SEL1L2: variants seen among roughly 807,000 people sequenced by gnomAD.
SEL1L2 encodes protein sel-1 homolog 2.
SEL1L2 carries 89 observed loss-of-function variants against 98.8 expected under a neutral mutation model. The observed-to-expected ratio is 0.90, with a 90% CI of 0.76 to 1.07. The LOEUF (loss-of-function observed/expected upper bound fraction) is 1.07, where lower values mean the gene tolerates loss of function less well. SEL1L2 is among the 50% of genes least tolerant of loss of function. The pLI is 0.00. For synonymous variants in SEL1L2, 262 were observed against 278.5 expected (o/e 0.94, Z 0.59); for missense variants, 788 against 812.0 (o/e 0.97, Z 0.36).
chr20:13,860,053 T>G (rs1377947012), intron 17 of SEL1L2, among the ~76,000 whole-genome samples: 1 of 152,226 alleles, frequency 6.6e-6, no homozygotes, highest in Non-Finnish European at 1.5e-5. Flanking sequence ...TTAATTTTTT[T>G]AAGTAGATTA....
chr20:13,991,702 C>A (rs1320334562), upstream of SEL1L2, among the ~76,000 whole-genome samples: 1 of 152,128 alleles, frequency 6.6e-6, no homozygotes, highest in African/African-American at 2.4e-5. Flanking sequence ...TCTCAAGATC[C>A]TTAATGTTGG....
intron 18 of SEL1L2, among the ~76,000 whole-genome samples, chr20:13,855,718 T>C (rs1450302244): frequency 6.6e-6 from 1 of 152,202 alleles, no homozygotes; most frequent in African/African-American, 2.4e-5. Flanking sequence ...CTTCAGCCAA[T>C]GGATGGGAAA....
rs747606860 is a variant in SEL1L2, at chr20:13,949,712, AG to A, written c.114+6363del. On this transcript the variant is annotated intron_variant, in intron 2 of 19. Coordinates refer to ENST00000284951, the MANE Select transcript of SEL1L2 (RefSeq NM_025229.2). ...ACAAAAAAAACCAAACAAACAAAAA[AG>A]AACAAGTGCTGGAGACATTAGAACA... Among the ~76,000 whole-genome samples, 291 of 151,742 alleles carry A rather than the reference AG, an allele frequency of 1.9e-3. 1 individual carries two copies. Among genetic ancestry groups the A allele is most frequent in the African/African-American group, 6.2e-3 (257 of 41,340 alleles).
At chr20:13,964,447 A>AT (rs369646828) in intron 1 of SEL1L2, among the ~76,000 whole-genome samples, 29,303 of 110,654 alleles carry the variant, frequency 0.26, 4,423 homozygotes, top group Admixed American at 0.36. Flanking sequence ...CTATCTCTTC[A>AT]TTTTTTTTTT....
intron 14 of SEL1L2, among the ~76,000 whole-genome samples, chr20:13,868,522 A>G (rs1384930583): frequency 6.6e-6 from 1 of 151,808 alleles, no homozygotes; most frequent in East Asian, 1.9e-4. Context: ...TGCCGTTGGC[A>G]TGCGGCTTCC....
At chr20:13,995,048 C>A (rs1009550470), upstream of SEL1L2, 8 of 152,430 alleles carry the variant, frequency 5.2e-5, no homozygotes, top group African/African-American at 1.9e-4. The surrounding 1 kb of genome is among the most constrained non-coding windows in gnomAD (Gnocchi z 4.3). Flanking sequence ...CTCAACAGGG[C>A]AGTTGGAGTG....
At position 13,849,502 on chromosome 20, in the gene SEL1L2, T is replaced by C; in HGVS notation, c.2050A>G (p.Arg684Gly). 6.2e-7 allele frequency: 1 copy of C among 1,614,052 alleles called. No homozygotes were observed. Among genetic ancestry groups the C allele is most frequent in the Non-Finnish European group, 8.5e-7 (1 of 1,179,926 alleles). ...TCCGCATCCTACCCATGGTGATTTC[T>C]AAGCAACAAAATCAGCCCAGGAACA... The part of the protein sequence containing the change: ...LIVPGLILLL[R>G]NHHG The change falls in exon 20 of 20, where the codon AGA becomes GGA. Residue 684 changes from arginine (R) to glycine (G), a missense_variant. Arg to Gly is a moderately radical substitution (Grantham distance 125, BLOSUM62 -2). Coordinates refer to ENST00000284951, the MANE Select transcript of SEL1L2 (RefSeq NM_025229.2).
intron 3 of SEL1L2, among the ~76,000 whole-genome samples, chr20:13,929,107 C>T (rs2049016201): frequency 6.6e-6 from 1 of 152,178 alleles, no homozygotes; most frequent in Non-Finnish European, 1.5e-5. Context: ...AAAAATTCCG[C>T]CTGTGGATAG....
chr20:13,962,030 C>G lies in SEL1L2; in HGVS notation c.59-5899G>C, dbSNP rs890154415. ...TATACCTAAGGAACTTCATCGACATCTTGACTTCATACAGACCATGAGATG... is the reference window on the plus strand; with the variant it reads ...TATACCTAAGGAACTTCATCGACATGTTGACTTCATACAGACCATGAGATG... On this transcript the variant is annotated intron_variant, in intron 1 of 19. Transcript: ENST00000284951. Among the ~76,000 whole-genome samples the G allele has an allele frequency of 3.3e-5, 5 of 152,184 alleles. 1 individual carries two copies. The highest frequency in any genetic ancestry group is 7.3e-5 in the Non-Finnish European group (5 of 68,030).
intron 5 of SEL1L2, among the ~76,000 whole-genome samples, chr20:13,907,726 C>CTTTCTTTCTT (rs1555880032): frequency 1.6e-5 from 2 of 128,832 alleles, no homozygotes; most frequent in Non-Finnish European, 3.2e-5. Flanking sequence ...TTCTTTCTTT[C>CTTTCTTTCTT]TTTCTTTCTT....
At chr20:13,871,127 C>T (rs6105173) in intron 12 of SEL1L2, among the ~76,000 whole-genome samples, 16,136 of 151,824 alleles carry the variant, frequency 0.11, 1,136 homozygotes, top group East Asian at 0.2. Context: ...CTCAGGTCTA[C>T]AGAGGTTGAC....
chr20:13,972,867 G>A (rs908218796), intron 1 of SEL1L2, among the ~76,000 whole-genome samples: 3 of 152,066 alleles, frequency 2.0e-5, no homozygotes, highest in African/African-American at 7.2e-5. Context: ...TTTTCTATGA[G>A]CGGGTCTTTT....
chr20:13,946,873 TG>T (rs1347765713), intron 2 of SEL1L2, among the ~76,000 whole-genome samples: 1 of 152,132 alleles, frequency 6.6e-6, no homozygotes, highest in Non-Finnish European at 1.5e-5. Flanking sequence ...GCACTTAGGG[TG>T]GTGCTGACAT....
At chr20:13,994,388 T>C (rs2052593435), upstream of SEL1L2, among the ~76,000 whole-genome samples, 1 of 152,042 alleles carries the variant, frequency 6.6e-6, no homozygotes, top group East Asian at 1.9e-4. Flanking sequence ...ACTAAAAATA[T>C]TCCATTCTTT....
At chr20:13,947,961 C>A (rs984589915) in intron 2 of SEL1L2, among the ~76,000 whole-genome samples, 1 of 152,212 alleles carries the variant, frequency 6.6e-6, no homozygotes, top group Non-Finnish European at 1.5e-5. Flanking sequence ...ATGCTTGGCT[C>A]GCCCTTGGCA....
chr20:13,930,047 T>C (rs1185786650), intron 3 of SEL1L2, among the ~76,000 whole-genome samples: 2 of 152,190 alleles, frequency 1.3e-5, no homozygotes, highest in Non-Finnish European at 2.9e-5. Context: ...CACCTCAGCT[T>C]CCTGAAGCGC....
At chr20:13,934,605 C>G (rs1236937036) in intron 2 of SEL1L2, among the ~76,000 whole-genome samples, 1 of 147,760 alleles carries the variant, frequency 6.8e-6, no homozygotes, top group Non-Finnish European at 1.5e-5. Context: ...TGTATAATGA[C>G]TTCTTTTCCT....
At chr20:13,856,314 G>C (rs1302990186) in intron 18 of SEL1L2, among the ~76,000 whole-genome samples, 2 of 152,020 alleles carry the variant, frequency 1.3e-5, no homozygotes, top group Non-Finnish European at 2.9e-5. Flanking sequence ...ATTTTTAGTA[G>C]AGACAAGATT....
Position 13,865,159 on chromosome 20 carries a change from T to C in SEL1L2, c.1645+8A>G, listed in dbSNP as rs909447313. ...GGGTATGTGCTTATTTTTATCTGGG[T>C]TCCATACCTTGAATGGCAGCTCGAT... On this transcript the variant is annotated splice_region_variant and intron_variant, in intron 17 of 19. Transcript: ENST00000284951. 2 of 1,607,886 alleles carry C rather than the reference T, an allele frequency of 1.2e-6. No individual in the cohort carries two copies. The highest frequency in any genetic ancestry group is 3.3e-5 in the Admixed American group (2 of 59,820).
Sources: allele counts gnomAD v4.1 joint callset (sites outside exome capture counted in the v4.1 genomes callset), GRCh38; gene constraint gnomAD v4.1.1; non-coding constraint Gnocchi (gnomAD v3.1); transcripts MANE v1.5; gene names NCBI Gene and HGNC (gene_info 2026-07-23, HGNC 2026-07-21).